Variants in DNAH11 observed in about 807,000 individuals in gnomAD.
DNAH11 encodes axonemal beta dynein heavy chain 11.
In DNAH11, 442 loss-of-function variants were observed where a neutral mutation model predicts 526.0. The observed-to-expected ratio is 0.84, with a 90% CI of 0.78 to 0.91. DNAH11 has a LOEUF of 0.91. DNAH11 is among the 40% of genes least tolerant of loss of function. The probability of loss-of-function intolerance (pLI) is 0.00; values close to 1 mark genes in which losing one functional copy is unlikely to be tolerated. For synonymous variants in DNAH11, 2,461 were observed against 1,935.9 expected, an observed-to-expected ratio of 1.27 and a Z score of -7.12; for missense variants, 6,989 against 5,448.7, an observed-to-expected ratio of 1.28 and a Z score of -8.90.
intron 35 of DNAH11, among the ~76,000 whole-genome samples, chr7:21,693,988 A>G (rs1783740881): frequency 6.6e-6 from 1 of 152,130 alleles, no homozygotes; most frequent in Admixed American, 6.6e-5. Context: ...CTTTCAACCC[A>G]TCGTATCTCA....
chr7:21,546,969 C>T (rs1231463410), intron 2 of DNAH11, among the ~76,000 whole-genome samples: 4 of 152,186 alleles, frequency 2.6e-5, no homozygotes, highest in African/African-American at 9.7e-5. Flanking sequence ...ACAGCAAAGG[C>T]ACACTTGCTC....
intron 30 of DNAH11, among the ~76,000 whole-genome samples, chr7:21,669,657 T>G (rs867428425): frequency 3.5e-4 from 52 of 149,922 alleles, no homozygotes; most frequent in Admixed American, 1.1e-3. Context: ...GTTTTTCTTT[T>G]TGTGTGTGTG....
intron 35 of DNAH11, among the ~76,000 whole-genome samples, chr7:21,692,621 C>T (rs1025864599): frequency 3.3e-5 from 5 of 152,098 alleles, no homozygotes; most frequent in Admixed American, 1.3e-4. Flanking sequence ...ATGAATAAAG[C>T]GGCTATGAAC....
rs757394560 is a variant in DNAH11 at position 21,591,251 on chromosome 7, G to A, written c.2341G>A (p.Glu781Lys). 1.6e-5 allele frequency: 25 copies of A among 1,601,610 alleles called. No homozygotes were observed. Reference sequence around the variant, plus strand: ...ACTCAAACAGACGCTCCTGGAAGTTGAATACCCTCTGATTGAAGATGAGCT... The same window carrying A: ...ACTCAAACAGACGCTCCTGGAAGTTAAATACCCTCTGATTGAAGATGAGCT... Reference protein sequence around the residue: ...NKLKQTLLEVEYPLIEDELRA... With the variant: ...NKLKQTLLEVKYPLIEDELRA... Residue 781 changes from glutamate to lysine, a missense_variant, in exon 14 of 82, where the codon GAA (glutamate) becomes AAA (lysine). Transcript: ENST00000409508.
intron 54 of DNAH11, among the ~76,000 whole-genome samples, chr7:21,756,661 T>C (rs1786654114): frequency 6.6e-6 from 1 of 152,148 alleles, no homozygotes; most frequent in Non-Finnish European, 1.5e-5. Flanking sequence ...TTTAAGGTTT[T>C]TTCTTGATAG....
intron 63 of DNAH11, among the ~76,000 whole-genome samples, chr7:21,809,651 C>A (rs914384552): frequency 6.6e-6 from 1 of 152,040 alleles, no homozygotes; most frequent in Non-Finnish European, 1.5e-5. Flanking sequence ...ACAACCTCCG[C>A]CCCCGAGGTT....
chr7:21,702,197 G>T (rs1338180684), intron 36 of DNAH11, among the ~76,000 whole-genome samples: 1 of 152,124 alleles, frequency 6.6e-6, no homozygotes, highest in Non-Finnish European at 1.5e-5. Context: ...CTCAAAAACA[G>T]ATAATTGAAT....
intron 79 of DNAH11, among the ~76,000 whole-genome samples, chr7:21,898,163 T>TC (rs763166317): frequency 2.6e-5 from 4 of 152,246 alleles, no homozygotes; most frequent in Non-Finnish European, 4.4e-5. Context: ...GCAGTGTTTA[T>TC]CCTCATGATG....
At chr7:21,692,510 T>C (rs1783676531) in intron 35 of DNAH11, among the ~76,000 whole-genome samples, 1 of 152,238 alleles carries the variant, frequency 6.6e-6, no homozygotes, top group Non-Finnish European at 1.5e-5. Context: ...AGTTTGCCCC[T>C]CTTTCTCACT....
chr7:21,726,860 CAAAAAAAAAAAAAAAAAAAA>C (rs1166791175), intron 45 of DNAH11, among the ~76,000 whole-genome samples: 3 of 13,808 alleles, frequency 2.2e-4, no homozygotes, highest in Admixed American at 3.3e-3. Flanking sequence ...GACTCTGTCT[CAAAAAAAAAAAAAAAAAAAA>C]AAAAAAAAAA....
intron 61 of DNAH11, among the ~76,000 whole-genome samples, chr7:21,789,783 T>TTCTC (rs1788361869): frequency 1.1e-5 from 1 of 94,672 alleles, no homozygotes; most frequent in East Asian, 2.7e-4. Context: ...CTTTCTTTCT[T>TTCTC]TCTTTCTTTC....
At chr7:21,710,741 T>C in intron 41 of DNAH11, 38 bp downstream of exon 41, 1 of 1,577,852 alleles carries the variant, frequency 6.3e-7, no homozygotes, top group Non-Finnish European at 8.6e-7. Flanking sequence ...AAATATAACA[T>C]CCTGAGTGTA....
rs764048784 is a variant in DNAH11 at position 21,867,856 on chromosome 7, T to C, written c.11691-3T>C. On this transcript the variant is annotated splice_region_variant and splice_polypyrimidine_tract_variant and intron_variant, in intron 71 of 81. Transcript: ENST00000409508. ...CATGTTTTTATATTCTTGTTTTTTA[T>C]AGAAATTTTGTAGAGGAAAAACTGG... 8.3e-6 allele frequency: 13 copies of C among 1,564,018 alleles called. No homozygotes were observed. The Admixed American group carries it at 1.3e-4, about 16-fold the overall frequency.
In DNAH11 at chr7:21,845,306, G is replaced by C. The variant is rs144643239; in HGVS notation, c.10896+2558G>C. Among the ~76,000 whole-genome samples the C allele has an allele frequency of 4.6e-5, 7 of 152,244 alleles. No homozygotes were observed. The East Asian group carries it at 1.4e-3, about 29-fold the overall frequency. On this transcript the variant is annotated intron_variant, in intron 66 of 81. Coordinates refer to ENST00000409508, the MANE Select transcript of DNAH11 (RefSeq NM_001277115.2). ...AAATCATTAACTGACAGTTCGTGAAGATTTATGTTTTCTCTTAGGAGTTGT... is the reference window on the plus strand; with the variant it reads ...AAATCATTAACTGACAGTTCGTGAACATTTATGTTTTCTCTTAGGAGTTGT...
intron 66 of DNAH11, among the ~76,000 whole-genome samples, chr7:21,850,132 G>A (rs368507274): frequency 6.6e-5 from 10 of 151,502 alleles, no homozygotes; most frequent in South Asian, 2.1e-4. Context: ...CAAGGCAGGC[G>A]GATCACAAGG....
At chr7:21,705,571 G>A in intron 39 of DNAH11, 34 bp downstream of exon 39, 2 of 1,588,290 alleles carry the variant, frequency 1.3e-6, no homozygotes, top group Non-Finnish European at 1.7e-6. Context: ...TACAGCTATG[G>A]AAAGAACATT....
chr7:21,735,678 A>G lies in DNAH11; in HGVS notation c.7479A>G (p.Arg2493=). ...ACACAACAGAGACAGCTCGTCTTAG[A>G]TATTTCATGGAGTTGTTGCTTGAGA... The part of the protein sequence containing the change: ...LVHTTETARL[R]YFMELLLEKG... Residue 2493 remains arginine (R), a synonymous_variant, in exon 46 of 82, where the codon AGA becomes AGG. Coordinates refer to ENST00000409508, the MANE Select transcript of DNAH11 (RefSeq NM_001277115.2). The G allele has an allele frequency of 1.2e-6, 2 of 1,610,466 alleles. No homozygotes were observed. The highest frequency in any genetic ancestry group is 1.7e-6 in the Non-Finnish European group (2 of 1,178,020).
intron 2 of DNAH11, 75 bp from the exon 3 acceptor site, chr7:21,558,727 A>G (rs972184521): frequency 9.8e-6 from 12 of 1,220,334 alleles, no homozygotes; most frequent in African/African-American, 6.2e-5. Context: ...TTTGTTGCCA[A>G]TTTTGTACGA....
chr7:21,652,340 C>G (rs1384640041), intron 28 of DNAH11, among the ~76,000 whole-genome samples: 1 of 152,176 alleles, frequency 6.6e-6, no homozygotes, highest in Non-Finnish European at 1.5e-5. Context: ...AATTTCATGA[C>G]ATTGAATGCT....
Sources: allele counts gnomAD v4.1 joint callset (sites outside exome capture counted in the v4.1 genomes callset), GRCh38; gene constraint gnomAD v4.1.1; transcripts MANE v1.5; gene names NCBI Gene and HGNC (gene_info 2026-07-23, HGNC 2026-07-21).